The following TNFRSF13B variants were observed in gnomAD, a reference collection of about 807,000 sequenced individuals.
TNFRSF13B encodes the protein TNF receptor superfamily member 13B.
TNFRSF13B carries 34 observed loss-of-function variants against 24.0 expected under a neutral mutation model. The ratio of observed to expected loss-of-function variants is 1.41; its 90% CI spans 1.08 to 1.88. TNFRSF13B has a LOEUF of 1.88. Ranked by LOEUF, TNFRSF13B falls within the 40% of genes most tolerant of loss-of-function variation. The pLI is 0.00. For missense variants in TNFRSF13B, 415 were observed against 380.8 expected, an observed-to-expected ratio of 1.09 and a Z score of -0.75; for synonymous variants, 173 against 150.3, an observed-to-expected ratio of 1.15 and a Z score of -1.10.
chr17:16,940,774 G>A, intron 3 of TNFRSF13B: 1 of 1,395,812 alleles, frequency 7.2e-7, no homozygotes. Flanking sequence ...CACTTGCTAG[G>A]GCTGTAATTG....
intron 1 of TNFRSF13B, among the ~76,000 whole-genome samples, chr17:16,971,636 T>C: frequency 6.6e-6 from 1 of 152,164 alleles, no homozygotes; most frequent in East Asian, 1.9e-4. Flanking sequence ...TTTTAGGGTT[T>C]GTGTTCTTAA....
At chr17:16,965,106 ATAAT>A (rs894587106) in intron 1 of TNFRSF13B, among the ~76,000 whole-genome samples, 5 of 152,060 alleles carry the variant, frequency 3.3e-5, no homozygotes, top group African/African-American at 9.7e-5. Flanking sequence ...AATATTAGTG[ATAAT>A]TAACATTTTC....
At chr17:16,960,005 T>C (rs1304828400) in intron 1 of TNFRSF13B, among the ~76,000 whole-genome samples, 4 of 152,114 alleles carry the variant, frequency 2.6e-5, no homozygotes, top group Admixed American at 1.3e-4. Context: ...ACAATAAAGA[T>C]GTCACAAGGA....
intron 1 of TNFRSF13B, among the ~76,000 whole-genome samples, chr17:16,964,222 C>T (rs945834176): frequency 6.6e-6 from 1 of 152,000 alleles, no homozygotes; most frequent in Non-Finnish European, 1.5e-5. Context: ...TATGCTTTTT[C>T]CCCGGGCTAT....
intron 1 of TNFRSF13B, among the ~76,000 whole-genome samples, chr17:16,968,796 T>G (rs79474552): frequency 0.025 from 3,784 of 152,302 alleles, 167 homozygotes; most frequent in African/African-American, 0.088. Flanking sequence ...GTTCAAATAT[T>G]ATACCTGAAA....
At chr17:16,970,277 C>T (rs1350541616) in intron 1 of TNFRSF13B, among the ~76,000 whole-genome samples, 2 of 152,158 alleles carry the variant, frequency 1.3e-5, no homozygotes, top group Non-Finnish European at 2.9e-5. Context: ...CTCTCTGACA[C>T]TAGCTGTGTG....
intron 3 of TNFRSF13B, among the ~76,000 whole-genome samples, chr17:16,947,333 AAAAC>A (rs953335244): frequency 6.6e-6 from 1 of 152,200 alleles, no homozygotes; most frequent in Admixed American, 6.5e-5. Flanking sequence ...AATTGCAACA[AAAAC>A]AAAAATTGAC....
In TNFRSF13B at chr17:16,949,491, A is replaced by G. The variant is rs147115253; in HGVS notation, c.200-508T>C. On this transcript the variant is annotated intron_variant, in intron 2 of 4. Coordinates refer to ENST00000261652, the MANE Select transcript of TNFRSF13B (RefSeq NM_012452.3). ...GGAAGGTGGAAAAGTTCACATGAATAGTGTTTCTTCTGTCTTAATACTAGA... is the reference window on the plus strand; with the variant it reads ...GGAAGGTGGAAAAGTTCACATGAATGGTGTTTCTTCTGTCTTAATACTAGA... Among the ~76,000 whole-genome samples, 15 of 152,302 alleles carry G rather than the reference A, an allele frequency of 9.8e-5. No individual in the cohort carries two copies. The East Asian group carries it at 2.7e-3, about 27-fold the overall frequency.
chr17:16,962,434 G>T (rs539562812), intron 1 of TNFRSF13B, among the ~76,000 whole-genome samples: 1 of 151,968 alleles, frequency 6.6e-6, no homozygotes, highest in Non-Finnish European at 1.5e-5. Flanking sequence ...TTGAAACCAG[G>T]AGACAGAGGT....
At chr17:16,969,899 A>T (rs1186130949) in intron 1 of TNFRSF13B, among the ~76,000 whole-genome samples, 1 of 152,188 alleles carries the variant, frequency 6.6e-6, no homozygotes, top group Non-Finnish European at 1.5e-5. Context: ...GGGAGCAAAG[A>T]GGGAGAAAGC....
intron 1 of TNFRSF13B, among the ~76,000 whole-genome samples, chr17:16,963,603 G>A (rs966906328): frequency 6.6e-6 from 1 of 152,164 alleles, no homozygotes; most frequent in Admixed American, 6.5e-5. Flanking sequence ...AGGCTGGAGT[G>A]CAGTGGCACC....
At chr17:16,940,778 G>C in intron 3 of TNFRSF13B, 1 of 1,392,172 alleles carries the variant, frequency 7.2e-7, no homozygotes, top group Non-Finnish European at 9.3e-7. Flanking sequence ...TGCTAGGGCT[G>C]TAATTGGGAC....
At chr17:16,966,435 G>C (rs60776703) in intron 1 of TNFRSF13B, among the ~76,000 whole-genome samples, 9,203 of 152,236 alleles carry the variant, frequency 0.06, 871 homozygotes, top group African/African-American at 0.21. Flanking sequence ...AATGGGCAAA[G>C]GTCATGAATA....
At position 16,972,090 on chromosome 17, in the gene TNFRSF13B, A is replaced by G. The variant is rs2087749592; in HGVS notation, c.-15T>C. 1.2e-6 allele frequency: 2 copies of G among 1,613,648 alleles called. No individual in the cohort carries two copies. The highest frequency in any genetic ancestry group is 2.2e-5 in the East Asian group (1 of 44,868). On this transcript the variant is annotated 5_prime_UTR_variant, in exon 1 of 5. Coordinates refer to ENST00000261652, the MANE Select transcript of TNFRSF13B (RefSeq NM_012452.3). ...AGGCCACTCATTACTCAGGATGCTTATTACTAGTCTTAGATTTGATTAGTG... is the reference window on the plus strand; with the variant it reads ...AGGCCACTCATTACTCAGGATGCTTGTTACTAGTCTTAGATTTGATTAGTG...
At position 16,939,743 on chromosome 17, in the gene TNFRSF13B, GTC is replaced by G. The variant is rs1394948442; in HGVS notation, c.684_685del (p.Glu228AspfsTer8). On this transcript the variant is annotated frameshift_variant, in exon 5 of 5. Coordinates refer to ENST00000261652, the MANE Select transcript of TNFRSF13B (RefSeq NM_012452.3). LOFTEE classifies it low-confidence loss of function (END_TRUNC). ...GCACTCAGGGAAGCAGAAGCTGCAG[GTC>G]TCCACTGGCTCGGGGGATGTGCTCA... is the stretch of plus-strand genomic sequence containing the variant. The G allele has an allele frequency of 1.2e-6, 2 of 1,608,822 alleles. No homozygotes were observed. Among genetic ancestry groups the G allele is most frequent in the South Asian group, 2.2e-5 (2 of 90,530 alleles).
intron 1 of TNFRSF13B, among the ~76,000 whole-genome samples, chr17:16,965,074 TATA>T (rs2087690200): frequency 6.6e-6 from 1 of 152,228 alleles, no homozygotes; most frequent in African/African-American, 2.4e-5. Flanking sequence ...TATAATAATT[TATA>T]ATAATGTAAA....
chr17:16,956,037 T>G (rs1305054831), intron 1 of TNFRSF13B, among the ~76,000 whole-genome samples: 1 of 152,224 alleles, frequency 6.6e-6, no homozygotes, highest in Non-Finnish European at 1.5e-5. Flanking sequence ...CTGAAGTGGC[T>G]TCCACGGGAT....
At position 16,972,043 on chromosome 17, in the gene TNFRSF13B, G is replaced by A; in HGVS notation, c.33C>T (p.Gly11=). 9 of 1,614,000 alleles carry A rather than the reference G, an allele frequency of 5.6e-6. No individual in the cohort carries two copies. The highest frequency in any genetic ancestry group is 7.6e-6 in the Non-Finnish European group (9 of 1,180,010). MSGLGRSRRG[G]RSRVDQEERF... is the part of the protein sequence containing the mutation. ...GCTCCTCCTGGTCCACACGGCTCCG[G>A]CCACCTCGCCTGCTCCGGCCCAGGC... The change falls in exon 1 of 5, where the codon GGC becomes GGT. Residue 11 remains glycine (G), a synonymous_variant. Coordinates refer to ENST00000261652, the MANE Select transcript of TNFRSF13B (RefSeq NM_012452.3).
In TNFRSF13B at chr17:16,952,463, G is replaced by T; in HGVS notation, c.182C>A (p.Thr61Asn). The stretch of plus-strand genomic sequence containing the variant: ...GAACTCACTGCAGAAGGCTGCACAG[G>T]TGCGCTGGCTCTGATGGTTGCAAAT... ...KTICNHQSQR[T>N]CAAFCRSLSC... is the part of the protein sequence containing the mutation. The change falls in exon 2 of 5, where the codon ACC (threonine) becomes AAC (asparagine). Residue 61 changes from threonine to asparagine, a missense_variant. Transcript: ENST00000261652. 1.2e-6 allele frequency: 2 copies of T among 1,614,148 alleles called. No individual in the cohort carries two copies. The highest frequency in any genetic ancestry group is 2.2e-5 in the South Asian group (2 of 91,078).
Sources: allele counts gnomAD v4.1 joint callset (sites outside exome capture counted in the v4.1 genomes callset), GRCh38; gene constraint gnomAD v4.1.1; transcripts MANE v1.5; gene names NCBI Gene and HGNC (gene_info 2026-07-23, HGNC 2026-07-21).